The following UTRN variants were observed in gnomAD, a reference collection of about 807,000 sequenced individuals.
UTRN encodes the protein utrophin.
A neutral mutation model predicts 463.9 loss-of-function variants in UTRN; 283 were observed. The ratio of observed to expected loss-of-function variants is 0.61; its 90% CI spans 0.55 to 0.67. UTRN has a LOEUF of 0.67. Ranked by LOEUF, UTRN falls within the 30% of genes least tolerant of loss-of-function variation. The probability of loss-of-function intolerance (pLI) is 0.00; values close to 1 mark genes in which losing one functional copy is unlikely to be tolerated. For missense variants in UTRN, 3,922 were observed against 4,084.3 expected (o/e 0.96, Z 1.08); for synonymous variants, 1,442 against 1,431.5 (o/e 1.01, Z -0.17).
intron 51 of UTRN, among the ~76,000 whole-genome samples, chr6:144,606,005 T>C (rs1356058716): frequency 6.6e-6 from 1 of 152,228 alleles, no homozygotes; most frequent in African/African-American, 2.4e-5. Context: ...ATATAGTATA[T>C]GTTTTGTGAT....
At position 144,489,922 on chromosome 6, in the gene UTRN, C is replaced by G. The variant is rs150458256; in HGVS notation, c.4135-149C>G. The G allele has an allele frequency of 3.8e-4, 463 of 1,215,248 alleles. 6 individuals are homozygous for G. The East Asian group carries it at 9.2e-3, about 24-fold the overall frequency. The allele number at this position is 1,215,248 out of a possible 1,614,324, so 75.3% of individuals were successfully genotyped here. A position where few individuals can be genotyped will look rare whatever the true frequency, so the allele number is the denominator to read the frequency against. On this transcript the variant is annotated intron_variant, in intron 30 of 74. Transcript: ENST00000367545. ...GGCATAAGCCACCGCACCTGGCCTA[C>G]AAAAACTTATTAAAGCTTCTGTGGA...
At chr6:144,314,959 CTTATTTATTTAT>C (rs35669873) in intron 2 of UTRN, among the ~76,000 whole-genome samples, 4 of 151,414 alleles carry the variant, frequency 2.6e-5, no homozygotes, top group Middle Eastern at 6.8e-3. Flanking sequence ...TATTTTTTTC[CTTATTTATTTAT>C]TTATTTATTT....
chr6:144,711,310 C>T (rs908863355), intron 53 of UTRN, among the ~76,000 whole-genome samples: 2 of 151,214 alleles, frequency 1.3e-5, no homozygotes, highest in Non-Finnish European at 2.9e-5. Flanking sequence ...TTGAGACTCC[C>T]GTCTCAAAAC....
At chr6:144,422,233 T>C (rs1419015501) in intron 4 of UTRN, among the ~76,000 whole-genome samples, 1 of 152,118 alleles carries the variant, frequency 6.6e-6, no homozygotes, top group African/African-American at 2.4e-5. Context: ...ATGAGAGAAT[T>C]ACAAAAAAGA....
chr6:144,788,228 G>A (rs1394811422), intron 61 of UTRN, among the ~76,000 whole-genome samples: 1 of 152,004 alleles, frequency 6.6e-6, no homozygotes, highest in Non-Finnish European at 1.5e-5. Context: ...TCCCCAAATA[G>A]GGATTTCACA....
At chr6:144,758,091 C>A in intron 58 of UTRN, 102 bp downstream of exon 58, 2 of 940,576 alleles carry the variant, frequency 2.1e-6, no homozygotes, top group Non-Finnish European at 3.2e-6. Context: ...AGAATTCAGT[C>A]CTATTATCTG....
chr6:144,509,968 C>G (rs1795040054), intron 34 of UTRN, among the ~76,000 whole-genome samples: 1 of 152,004 alleles, frequency 6.6e-6, no homozygotes, highest in Non-Finnish European at 1.5e-5. Flanking sequence ...ATTTTCTCCC[C>G]CCTTGCTAGA....
At chr6:144,399,298 T>TG (rs1782727937) in intron 2 of UTRN, among the ~76,000 whole-genome samples, 1 of 152,184 alleles carries the variant, frequency 6.6e-6, no homozygotes, top group Non-Finnish European at 1.5e-5. Context: ...GAGAGCATAA[T>TG]GGCATAACTA....
intron 54 of UTRN, among the ~76,000 whole-genome samples, chr6:144,732,251 T>TACAC (rs1240022180): frequency 3.4e-5 from 4 of 116,122 alleles, no homozygotes; most frequent in African/African-American, 1.3e-4. Context: ...TATATATATA[T>TACAC]ATATATACAC....
chr6:144,607,631 G>A (rs1055477088), intron 51 of UTRN, among the ~76,000 whole-genome samples: 41 of 151,970 alleles, frequency 2.7e-4, no homozygotes, highest in African/African-American at 7.5e-4. Context: ...TATCCTGGTG[G>A]GCTTGTACAC....
At chr6:144,509,773 A>G (rs187332361) in intron 34 of UTRN, among the ~76,000 whole-genome samples, 2 of 152,308 alleles carry the variant, frequency 1.3e-5, no homozygotes, top group East Asian at 3.9e-4. Context: ...TAACTTAAAT[A>G]TAACTATTTT....
At chr6:144,789,448 T>C (rs534291694) in intron 62 of UTRN, among the ~76,000 whole-genome samples, 169 bp downstream of exon 62, 15 of 152,162 alleles carry the variant, frequency 9.9e-5, no homozygotes, top group Non-Finnish European at 2.1e-4. Context: ...TGCAAAGACT[T>C]GGGGCTTTGT....
At chr6:144,499,844 A>G (rs1398331645) in intron 34 of UTRN, among the ~76,000 whole-genome samples, 4 of 152,040 alleles carry the variant, frequency 2.6e-5, no homozygotes, top group African/African-American at 9.7e-5. Context: ...TTTAGCCCCC[A>G]CTTGTAAGCG....
chr6:144,727,721 C>T (rs1314796783), intron 53 of UTRN, among the ~76,000 whole-genome samples: 2 of 152,056 alleles, frequency 1.3e-5, no homozygotes, highest in Non-Finnish European at 2.9e-5. Context: ...GCTGAGATCG[C>T]ACCACTGCAC....
intron 33 of UTRN, among the ~76,000 whole-genome samples, chr6:144,496,878 G>A (rs1793698419): frequency 6.6e-6 from 1 of 152,146 alleles, no homozygotes; most frequent in Non-Finnish European, 1.5e-5. Flanking sequence ...GGTGAAACGA[G>A]GAGATTTCTA....
intron 1 of UTRN, among the ~76,000 whole-genome samples, chr6:144,291,414 G>A (rs1230310935): frequency 6.6e-6 from 1 of 152,146 alleles, no homozygotes; most frequent in Admixed American, 6.5e-5. Context: ...GTCTCTTCAA[G>A]AAAGCCTTCT....
intron 2 of UTRN, among the ~76,000 whole-genome samples, chr6:144,351,228 T>C (rs1778083230): frequency 6.6e-6 from 1 of 152,204 alleles, no homozygotes; most frequent in Non-Finnish European, 1.5e-5. Flanking sequence ...AGAAGGATTA[T>C]AATAAATGGT....
In UTRN at chr6:144,406,700, C is replaced by T. The variant is rs1194709671; in HGVS notation, c.141+3516C>T. ...CATTTTCAAGAGAGTATCTACGGTG[C>T]TTCTAAAGGGTAAACCTGAATACCT... is the stretch of plus-strand genomic sequence containing the variant. On this transcript the variant is annotated intron_variant, in intron 3 of 74. Transcript: ENST00000367545. 2.6e-5 allele frequency among the ~76,000 whole-genome samples: 4 copies of T among 152,190 alleles called. No individual in the cohort carries two copies. In the East Asian group the frequency reaches 7.7e-4, roughly 29 times the overall value.
chr6:144,614,867 A>G (rs1431151803), intron 51 of UTRN, among the ~76,000 whole-genome samples: 2 of 152,178 alleles, frequency 1.3e-5, no homozygotes, highest in African/African-American at 4.8e-5. Flanking sequence ...TGATAATTAA[A>G]GAAGTTTAGA....
Sources: allele counts gnomAD v4.1 joint callset (sites outside exome capture counted in the v4.1 genomes callset), GRCh38; gene constraint gnomAD v4.1.1; transcripts MANE v1.5; gene names NCBI Gene and HGNC (gene_info 2026-07-23, HGNC 2026-07-21).